The following CRB2 variants were observed in gnomAD, a reference collection of about 807,000 sequenced individuals.
CRB2 encodes protein crumbs homolog 2.
A neutral mutation model predicts 110.9 loss-of-function variants in CRB2; 85 were observed. The observed-to-expected ratio is 0.77, with a 90% CI of 0.64 to 0.92. The LOEUF is 0.92. Ranked by LOEUF, CRB2 falls within the 40% of genes least tolerant of loss-of-function variation. The pLI, the probability that CRB2 is intolerant of heterozygous loss-of-function variation, is 0.00. For synonymous variants in CRB2, 907 were observed against 831.0 expected, an observed-to-expected ratio of 1.09 and a Z score of -1.57; for missense variants, 1,843 against 1,851.3, an observed-to-expected ratio of 1.00 and a Z score of 0.08.
At chr9:123,366,154 C>T (rs747580919) in intron 3 of CRB2, 42 bp downstream of exon 3, 4 of 1,378,308 alleles carry the variant, frequency 2.9e-6, no homozygotes, top group South Asian at 1.7e-5. Flanking sequence ...GCCGGGTGCC[C>T]GAGGGCGGGG....
chr9:123,363,589 C>T (rs1292009582), intron 2 of CRB2, among the ~76,000 whole-genome samples: 1 of 152,068 alleles, frequency 6.6e-6, no homozygotes, highest in African/African-American at 2.4e-5. Flanking sequence ...ACACTGTCTA[C>T]ACGACAGTCA....
intron 9 of CRB2, 66 bp downstream of exon 9, chr9:123,372,408 T>C: frequency 6.6e-7 from 1 of 1,523,252 alleles, no homozygotes; most frequent in South Asian, 1.3e-5. Context: ...AGATCCCATC[T>C]GCACTCTCAG....
intron 6 of CRB2, among the ~76,000 whole-genome samples, chr9:123,369,509 GA>G (rs1441766641): frequency 6.6e-6 from 1 of 152,122 alleles, no homozygotes; most frequent in African/African-American, 2.4e-5. Context: ...GTAGGAGTTT[GA>G]AAGGAAGGGT....
chr9:123,378,815 T>TTTG (rs1564383000), downstream of CRB2: 1 of 100,374 alleles, frequency 1.0e-5, no homozygotes, highest in African/African-American at 3.8e-5. Context: ...GTTTTTTTTT[T>TTTG]TTTTTTTTTT....
intron 1 of CRB2, 38 bp from the exon 2 acceptor site, chr9:123,362,827 T>C: frequency 6.5e-7 from 1 of 1,534,048 alleles, no homozygotes; most frequent in Non-Finnish European, 8.8e-7. Context: ...CCTTGTAACC[T>C]CTGCCCACCC....
At chr9:123,354,133 C>A (rs1242751252), upstream of CRB2, among the ~76,000 whole-genome samples, 1 of 152,228 alleles carries the variant, frequency 6.6e-6, no homozygotes, top group Non-Finnish European at 1.5e-5. Context: ...TCCAGCGACT[C>A]CCTGGCTTCC....
In CRB2 at chr9:123,377,296, C is replaced by T; in HGVS notation, c.*234C>T. 1.8e-6 allele frequency: 1 copy of T among 550,108 alleles called. No individual in the cohort carries two copies. The highest frequency in any genetic ancestry group is 3.2e-6 in the Non-Finnish European group (1 of 309,566). 34.1% of individuals were successfully genotyped at this position (550,108 alleles called of 1,614,324 possible). A position where few individuals can be genotyped will look rare whatever the true frequency, so the allele number is the denominator to read the frequency against. On this transcript the variant is annotated 3_prime_UTR_variant, in exon 13 of 13. Transcript: ENST00000373631. The stretch of plus-strand genomic sequence containing the variant: ...TCCCACCCTCGGGGTTCCGCCTTGG[C>T]AGGTGTACGGCTGTGCGTGGGAGGG...
chr9:123,373,325 G>A lies in CRB2; in HGVS notation c.2794G>A (p.Gly932Ser). ...GGTGCGCAATGGCTCGCTGGCGGGG[G>A]GCGTGCGCGGAGGCCATGGCCTGCC... ...LAVRNGSLAG[G>S]VRGGHGLPGA... The change falls in exon 10 of 13, where the codon GGC (glycine) becomes AGC (serine). Residue 932 changes from glycine to serine, a missense_variant. By Grantham distance (56) the Gly-to-Ser change is moderately conservative. Transcript: ENST00000373631. 3 of 1,447,114 alleles carry A rather than the reference G, an allele frequency of 2.1e-6. 1 individual carries two copies. The highest frequency in any genetic ancestry group is 2.7e-5 in the South Asian group (2 of 72,962). The allele number at this position is 1,447,114 out of a possible 1,614,324, so 89.6% of individuals were successfully genotyped here. A position where few individuals can be genotyped will look rare whatever the true frequency, so the allele number is the denominator to read the frequency against.
At chr9:123,364,664 G>T (rs574444223) in intron 2 of CRB2, among the ~76,000 whole-genome samples, 1 of 152,116 alleles carries the variant, frequency 6.6e-6, no homozygotes, top group African/African-American at 2.4e-5. Context: ...TGGGCCTCTG[G>T]CCCCCGCTTG....
chr9:123,365,819 A>C, intron 2 of CRB2, 98 bp from the exon 3 acceptor site: 1 of 1,116,138 alleles, frequency 9.0e-7, no homozygotes, highest in Non-Finnish European at 1.2e-6. Context: ...GAATGAATGA[A>C]TCCACGAGTC....
rs1047705678 is a variant in CRB2 at position 123,378,540 on chromosome 9, G to C, written c.*1478G>C. On this transcript the variant is annotated 3_prime_UTR_variant, in exon 13 of 13. Coordinates refer to ENST00000373631, the MANE Select transcript of CRB2 (RefSeq NM_173689.7). ...GGAAGTCAGCAGACGCTGGGATAGA[G>C]AGGGCCCTGAACACCAGGCTCAGGG... 1.3e-5 allele frequency: 2 copies of C among 152,288 alleles called. No individual in the cohort carries two copies. Among genetic ancestry groups the C allele is most frequent in the Admixed American group, 6.5e-5 (1 of 15,284 alleles). The allele number at this position is 152,288 out of a possible 1,614,324, so 9.4% of individuals were successfully genotyped here.
In CRB2 at chr9:123,358,423, C is replaced by T. The variant is rs776185669; in HGVS notation, c.94+2069C>T. On this transcript the variant is annotated intron_variant, in intron 1 of 12. Transcript: ENST00000373631. ...GGGCAGTGAGTCCAGGCCCCAAGTC[C>T]GGCCCCTCCTCCAGCCAGAAGGGGG... 5.7e-4 allele frequency among the ~76,000 whole-genome samples: 87 copies of T among 152,320 alleles called. 1 individual carries two copies. The highest frequency in any genetic ancestry group is 3.4e-3 in the Middle Eastern group (1 of 294).
At position 123,377,253 on chromosome 9, in the gene CRB2, A is replaced by T. The variant is rs190842615; in HGVS notation, c.*191A>T. The T allele has an allele frequency of 4.2e-5, 25 of 602,108 alleles. No individual in the cohort carries two copies. The Admixed American group carries it at 7.3e-4, about 18-fold the overall frequency. The allele number at this position is 602,108 out of a possible 1,614,324, so 37.3% of individuals were successfully genotyped here. ...AACTCAGGGAAACAGAGGCCTAGAGAGGCTGCGGACTTCTCCATCCCACCC... is the reference window on the plus strand; with the variant it reads ...AACTCAGGGAAACAGAGGCCTAGAGTGGCTGCGGACTTCTCCATCCCACCC... On this transcript the variant is annotated 3_prime_UTR_variant, in exon 13 of 13. Transcript: ENST00000373631.
At position 123,374,696 on chromosome 9, in the gene CRB2, G is replaced by A. The variant is rs1435554063; in HGVS notation, c.3506+1G>A. 6.2e-7 allele frequency: 1 copy of A among 1,603,812 alleles called. No homozygotes were observed. Among genetic ancestry groups the A allele is most frequent in the Admixed American group, 1.7e-5 (1 of 59,942 alleles). ...GCCTGGAGGGTCTTGCTGGCCAGAGGTGGGTCTGGGGGCCTGGGAACTGTG... is the reference window on the plus strand; with the variant it reads ...GCCTGGAGGGTCTTGCTGGCCAGAGATGGGTCTGGGGGCCTGGGAACTGTG... On this transcript the variant is annotated splice_donor_variant, in intron 11 of 12. Coordinates refer to ENST00000373631, the MANE Select transcript of CRB2 (RefSeq NM_173689.7). LOFTEE classifies it high-confidence loss of function.
upstream of CRB2, among the ~76,000 whole-genome samples, chr9:123,355,086 T>C (rs1327538258): frequency 6.6e-6 from 1 of 152,162 alleles, no homozygotes; most frequent in Non-Finnish European, 1.5e-5. Context: ...CGGTGGCTCA[T>C]TTCAGGAAAG....
intron 6 of CRB2, chr9:123,369,050 T>G: frequency 1.2e-6 from 1 of 850,738 alleles, no homozygotes; most frequent in Non-Finnish European, 1.5e-6. Context: ...CTTCAAACCC[T>G]GGTGACTTCT....
downstream of CRB2, chr9:123,380,267 A>C (rs2042210200): frequency 6.6e-6 from 1 of 152,534 alleles, no homozygotes; most frequent in Admixed American, 6.5e-5. Context: ...AATCCATTTC[A>C]AGATTCATCA....
At chr9:123,376,031 T>TCCTG (rs2042098392) in intron 12 of CRB2, among the ~76,000 whole-genome samples, 1 of 151,812 alleles carries the variant, frequency 6.6e-6, no homozygotes, top group Admixed American at 6.5e-5. Context: ...CGGGGAATGT[T>TCCTG]TCCTTTCAAG....
At chr9:123,361,401 C>T (rs1368776656) in intron 1 of CRB2, among the ~76,000 whole-genome samples, 2 of 152,218 alleles carry the variant, frequency 1.3e-5, no homozygotes, top group East Asian at 1.9e-4. Flanking sequence ...AACCTGTGCC[C>T]TTTCCTGGGG....
Sources: gnomAD v4.1 joint callset for allele counts (sites outside exome capture counted in the v4.1 genomes callset) on GRCh38, gnomAD v4.1.1 for gene constraint, MANE v1.5 for transcripts, NCBI Gene and HGNC (gene_info 2026-07-23, HGNC 2026-07-21) for gene names.